PI4KA: variants seen among roughly 807,000 people sequenced by gnomAD.
PI4KA encodes phosphatidylinositol 4-kinase alpha.
PI4KA carries 122 observed loss-of-function variants against 271.4 expected under a neutral mutation model. The ratio of observed to expected loss-of-function variants is 0.45; its 90% CI spans 0.39 to 0.52. The LOEUF is 0.52. PI4KA is among the 20% of genes least tolerant of loss of function. The pLI, the probability that PI4KA is intolerant of heterozygous loss-of-function variation, is 0.00. For missense variants in PI4KA, 1,969 were observed against 2,769.1 expected (o/e 0.71, Z 6.48); for synonymous variants, 1,041 against 1,078.8 (o/e 0.96, Z 0.69).
At chr22:20,858,476 A>T (rs1041755010) in intron 1 of PI4KA, 94 bp downstream of exon 1, 27 of 916,404 alleles carry the variant, frequency 2.9e-5, no homozygotes, top group Non-Finnish European at 3.8e-5. Flanking sequence ...CGGCGAGCCC[A>T]GCCTCGGCCT....
rs1310669875 is a variant in PI4KA, at chr22:20,765,684, G to T, written c.2338C>A (p.Arg780=). 6.2e-7 allele frequency: 1 copy of T among 1,608,906 alleles called. No homozygotes were observed. The highest frequency in any genetic ancestry group is 1.3e-5 in the African/African-American group (1 of 74,846). ...LIPVIAVLTR[R]LPPIKEAKPR... The stretch of plus-strand genomic sequence containing the variant: ...TTAGCTTCTTTGATGGGTGGCAGTC[G>T]TCGGGTGAGCTGATGTGCCAAGAAG... The change falls in exon 20 of 55, where the codon CGA becomes AGA. Residue 780 remains arginine (R), a synonymous_variant. Coordinates refer to ENST00000255882, the MANE Select transcript of PI4KA (RefSeq NM_058004.4).
At chr22:20,770,704 G>A (rs989791483) in intron 19 of PI4KA, among the ~76,000 whole-genome samples, 1 of 151,324 alleles carries the variant, frequency 6.6e-6, no homozygotes, top group Admixed American at 6.6e-5. Flanking sequence ...ATCTGGGTAC[G>A]GGTATACAGG....
rs1443953150 is a variant in PI4KA, at chr22:20,807,347, G to C, written c.1168+15C>G. The C allele has an allele frequency of 2.6e-6, 4 of 1,543,216 alleles. No homozygotes were observed. The Admixed American group carries it at 6.7e-5, about 26-fold the overall frequency. On this transcript the variant is annotated intron_variant, in intron 10 of 54. Transcript: ENST00000255882. ...TCTTGCTGTACTCACAAACACATGGGCAAACTGTCCTCACCCTTCATGTAG... is the reference window on the plus strand; with the variant it reads ...TCTTGCTGTACTCACAAACACATGGCCAAACTGTCCTCACCCTTCATGTAG...
intron 36 of PI4KA, among the ~76,000 whole-genome samples, chr22:20,731,569 G>A (rs1928056048): frequency 6.6e-6 from 1 of 152,102 alleles, no homozygotes; most frequent in Admixed American, 6.5e-5. Flanking sequence ...GCTGAGGCGG[G>A]CGGATCAGAA....
chr22:20,734,735 C>T (rs1329997814), intron 32 of PI4KA, 182 bp from the exon 33 acceptor site: 24 of 791,392 alleles, frequency 3.0e-5, no homozygotes, highest in Non-Finnish European at 4.8e-5. Context: ...TGTGTCAGTG[C>T]TTGGTGTATT....
chr22:20,777,326 C>T (rs560150868), intron 19 of PI4KA, among the ~76,000 whole-genome samples: 2 of 151,982 alleles, frequency 1.3e-5, no homozygotes, highest in South Asian at 4.1e-4. Flanking sequence ...AAACGAATCT[C>T]CTGCCTCAGC....
At chr22:20,803,073 A>T in intron 13 of PI4KA, 118 bp downstream of exon 13, 1 of 1,044,716 alleles carries the variant, frequency 9.6e-7, no homozygotes. Flanking sequence ...AGGGAAAGAC[A>T]GAAGGAAAGG....
chr22:20,766,515 A>G (rs1050530823), intron 19 of PI4KA, among the ~76,000 whole-genome samples: 2 of 152,196 alleles, frequency 1.3e-5, no homozygotes, highest in African/African-American at 4.8e-5. Context: ...AATACAAAAA[A>G]TTAGCTGGGC....
chr22:20,817,391 C>A (rs1921949655), intron 7 of PI4KA, among the ~76,000 whole-genome samples: 1 of 151,964 alleles, frequency 6.6e-6, no homozygotes. Flanking sequence ...TCACATGAAT[C>A]CAATTCAGTA....
At chr22:20,780,265 A>G in intron 19 of PI4KA, 2 of 1,605,798 alleles carry the variant, frequency 1.2e-6, no homozygotes, top group Non-Finnish European at 1.7e-6. Flanking sequence ...ATGTGGGTAG[A>G]TTGAATGCCA....
chr22:20,711,042 A>G, intron 51 of PI4KA, 184 bp from the exon 52 acceptor site: 7 of 616,040 alleles, frequency 1.1e-5, no homozygotes, highest in Non-Finnish European at 1.8e-5. Context: ...GAGAAAGAGA[A>G]GGGAGGAAGT....
intron 36 of PI4KA, among the ~76,000 whole-genome samples, chr22:20,731,934 A>T (rs5751808): frequency 2.2e-4 from 13 of 58,092 alleles, no homozygotes; most frequent in Admixed American, 1.3e-3. Flanking sequence ...GTCTCAAAAA[A>T]TAAAAATAAA....
At position 20,742,784 on chromosome 22, in the gene PI4KA, A is replaced by G. The variant is rs775796690; in HGVS notation, c.3457-20T>C. 1 of 1,613,070 alleles carries G rather than the reference A, an allele frequency of 6.2e-7. No homozygotes were observed. The highest frequency in any genetic ancestry group is 8.5e-7 in the Non-Finnish European group (1 of 1,179,144). Reference sequence around the variant, plus strand: ...ATACACCTGCAAAAACATTCTCATCAGCAACTAAGCATATAATCCAGGCAA... The same window carrying G: ...ATACACCTGCAAAAACATTCTCATCGGCAACTAAGCATATAATCCAGGCAA... On this transcript the variant is annotated intron_variant, in intron 30 of 54. Transcript: ENST00000255882.
intron 19 of PI4KA, among the ~76,000 whole-genome samples, chr22:20,766,741 T>G (rs542766973): frequency 1.3e-5 from 2 of 152,150 alleles, no homozygotes; most frequent in Non-Finnish European, 2.9e-5. Flanking sequence ...CAGTGGATGT[T>G]GAGCTCCCAT....
In PI4KA at chr22:20,765,712, A is replaced by G. The variant is rs1229011334; in HGVS notation, c.2329-19T>C. On this transcript the variant is annotated intron_variant, in intron 19 of 54. Coordinates refer to ENST00000255882, the MANE Select transcript of PI4KA (RefSeq NM_058004.4). Reference sequence around the variant, plus strand: ...GGGTGAGCTGATGTGCCAAGAAGAGAGGGAGAAAGGAGGTTATTTGCTGAG... The same window carrying G: ...GGGTGAGCTGATGTGCCAAGAAGAGGGGGAGAAAGGAGGTTATTTGCTGAG... 3.9e-6 allele frequency: 6 copies of G among 1,526,658 alleles called. No individual in the cohort carries two copies. The highest frequency in any genetic ancestry group is 5.4e-6 in the Non-Finnish European group (6 of 1,101,366). 94.6% of individuals were successfully genotyped at this position (1,526,658 alleles called of 1,614,324 possible). A position where few individuals can be genotyped will look rare whatever the true frequency, so the allele number is the denominator to read the frequency against.
At chr22:20,738,549 A>T (rs1383033076) in intron 32 of PI4KA, among the ~76,000 whole-genome samples, 1 of 152,108 alleles carries the variant, frequency 6.6e-6, no homozygotes, top group Non-Finnish European at 1.5e-5. Context: ...TCTCCTGGGC[A>T]CTATGGGACC....
intron 32 of PI4KA, among the ~76,000 whole-genome samples, chr22:20,738,688 G>C (rs1929023064): frequency 6.6e-6 from 1 of 152,108 alleles, no homozygotes; most frequent in South Asian, 2.1e-4. Context: ...AGGGACCTGA[G>C]GCCAGCTGAG....
intron 2 of PI4KA, among the ~76,000 whole-genome samples, chr22:20,836,177 A>G (rs1295745923): frequency 6.6e-6 from 1 of 152,200 alleles, no homozygotes; most frequent in Non-Finnish European, 1.5e-5. Context: ...CTATGCTGTG[A>G]TAAGACCCAT....
At chr22:20,738,816 T>C (rs1206835705) in intron 32 of PI4KA, among the ~76,000 whole-genome samples, 1 of 144,440 alleles carries the variant, frequency 6.9e-6, no homozygotes, top group African/African-American at 2.5e-5. Flanking sequence ...TTGCTTAAAA[T>C]AAAAAAAAAA....
Sources: gnomAD v4.1 joint callset for allele counts (sites outside exome capture counted in the v4.1 genomes callset) on GRCh38, gnomAD v4.1.1 for gene constraint, MANE v1.5 for transcripts, NCBI Gene and HGNC (gene_info 2026-07-23, HGNC 2026-07-21) for gene names.